The following BBS9 variants were observed in gnomAD, a reference collection of about 807,000 sequenced individuals.
BBS9 encodes protein PTHB1.
A neutral mutation model predicts 117.7 loss-of-function variants in BBS9; 89 were observed. The ratio of observed to expected loss-of-function variants is 0.76; its 90% CI spans 0.64 to 0.90. BBS9 has a LOEUF of 0.90. Among genes scored for constraint, BBS9 ranks in the 40% least tolerant of loss-of-function variants. BBS9 has a pLI of 0.00. For missense variants in BBS9, 982 were observed against 1,042.2 expected (o/e 0.94, Z 0.80); for synonymous variants, 379 against 370.9 (o/e 1.02, Z -0.25).
At chr7:33,635,101 C>T (rs1398239487) in intron 21 of BBS9, among the ~76,000 whole-genome samples, 1 of 152,204 alleles carries the variant, frequency 6.6e-6, no homozygotes, top group East Asian at 1.9e-4. Context: ...GTGTGAGGGA[C>T]ATGGCATGGA....
At chr7:33,394,909 G>T (rs1584640721) in intron 19 of BBS9, among the ~76,000 whole-genome samples, 1 of 152,200 alleles carries the variant, frequency 6.6e-6, no homozygotes, top group East Asian at 1.9e-4. Flanking sequence ...CTGAGACTCT[G>T]AGTAGAGTTA....
intron 21 of BBS9, among the ~76,000 whole-genome samples, chr7:33,539,734 A>G (rs1758819035): frequency 6.6e-6 from 1 of 152,190 alleles, no homozygotes; most frequent in South Asian, 2.1e-4. Flanking sequence ...TTTATTGTCA[A>G]CTGAACTGAC....
At chr7:33,363,419 A>G (rs376459035) in intron 16 of BBS9, among the ~76,000 whole-genome samples, 7 of 152,304 alleles carry the variant, frequency 4.6e-5, no homozygotes, top group African/African-American at 4.8e-5. Flanking sequence ...TGATTTTCTT[A>G]TATCAATCTT....
intron 21 of BBS9, among the ~76,000 whole-genome samples, chr7:33,586,545 G>A (rs950796356): frequency 1.3e-5 from 2 of 152,028 alleles, no homozygotes; most frequent in African/African-American, 4.8e-5. Flanking sequence ...CCATTACTGG[G>A]TATATATCCA....
chr7:33,466,548 C>A lies in BBS9; in HGVS notation c.2116-38915C>A, dbSNP rs537450400. Among the ~76,000 whole-genome samples the A allele has an allele frequency of 2.6e-5, 4 of 151,950 alleles. No homozygotes were observed. The East Asian group carries it at 7.7e-4, about 29-fold the overall frequency. ...TATATATGTGTGTGTGTTTACATAC[C>A]ATTTATTCTTTATTCATTCATCTGT... On this transcript the variant is annotated intron_variant, in intron 19 of 22. Coordinates refer to ENST00000242067, the MANE Select transcript of BBS9 (RefSeq NM_198428.3).
intron 19 of BBS9, among the ~76,000 whole-genome samples, chr7:33,470,689 A>G (rs1840890924): frequency 6.6e-6 from 1 of 152,212 alleles, no homozygotes; most frequent in South Asian, 2.1e-4. Context: ...ACCGTGGGTT[A>G]TAATATACTA....
intron 5 of BBS9, among the ~76,000 whole-genome samples, chr7:33,183,631 C>T (rs181179685): frequency 5.8e-4 from 88 of 152,284 alleles, no homozygotes; most frequent in Admixed American, 2.3e-3. Context: ...CCAGAAAGAG[C>T]CTAGAGCAGT....
intron 5 of BBS9, among the ~76,000 whole-genome samples, chr7:33,223,294 C>T (rs553136946): frequency 6.6e-6 from 1 of 151,344 alleles, no homozygotes; most frequent in Non-Finnish European, 1.5e-5. Context: ...ATCCTTATCA[C>T]TCTTTAGTGA....
intron 21 of BBS9, among the ~76,000 whole-genome samples, chr7:33,600,352 C>A (rs1156481069): frequency 6.6e-6 from 1 of 150,860 alleles, no homozygotes; most frequent in African/African-American, 2.4e-5. Context: ...TTTCTGTTGC[C>A]TTTTACAAAA....
intron 9 of BBS9, among the ~76,000 whole-genome samples, chr7:33,288,911 TC>T (rs1365798776): frequency 2.0e-5 from 3 of 152,152 alleles, no homozygotes; most frequent in Non-Finnish European, 2.9e-5. Context: ...CATAGAGAGA[TC>T]AAATAACATG....
At chr7:33,628,348 A>T (rs572753936) in intron 21 of BBS9, among the ~76,000 whole-genome samples, 35 of 152,330 alleles carry the variant, frequency 2.3e-4, no homozygotes, top group African/African-American at 7.9e-4. Flanking sequence ...AGGATAACAC[A>T]TCATAACCAG....
At chr7:33,462,588 A>G (rs1839623279) in intron 19 of BBS9, among the ~76,000 whole-genome samples, 1 of 152,124 alleles carries the variant, frequency 6.6e-6, no homozygotes, top group Non-Finnish European at 1.5e-5. Flanking sequence ...TTCCTAATGT[A>G]TGTAGTTCAC....
At chr7:33,421,447 A>G (rs1832846352) in intron 19 of BBS9, among the ~76,000 whole-genome samples, 1 of 152,300 alleles carries the variant, frequency 6.6e-6, no homozygotes, top group East Asian at 1.9e-4. Flanking sequence ...AACTATATCC[A>G]TTTTGTTAGT....
intron 21 of BBS9, among the ~76,000 whole-genome samples, chr7:33,546,680 A>T (rs575747089): frequency 2.6e-4 from 40 of 152,300 alleles, no homozygotes; most frequent in Middle Eastern, 3.4e-3. Context: ...CTATGCTTTT[A>T]AAGAGTTCCC....
chr7:33,504,544 A>G (rs1157779556), intron 19 of BBS9, among the ~76,000 whole-genome samples: 1 of 152,086 alleles, frequency 6.6e-6, no homozygotes, highest in African/African-American at 2.4e-5. Flanking sequence ...CCAGTCCCCC[A>G]GCTGGTGGGG....
rs117605456 is a variant in BBS9, at chr7:33,619,933, C to T, written c.2522-15244C>T. On this transcript the variant is annotated intron_variant, in intron 21 of 21. Transcript: ENST00000671952. ...TTTAAATAAATAACCTAGTGTTACACCTCAAAGAACTAGAAAAGGAAGAAC... is the reference window on the plus strand; with the variant it reads ...TTTAAATAAATAACCTAGTGTTACATCTCAAAGAACTAGAAAAGGAAGAAC... Among the ~76,000 whole-genome samples, 754 of 152,046 alleles carry T rather than the reference C, an allele frequency of 5.0e-3. 8 individuals are homozygous for T. In the East Asian group the frequency reaches 0.071, roughly 14 times the overall value.
intron 19 of BBS9, among the ~76,000 whole-genome samples, chr7:33,446,043 A>G (rs930243816): frequency 1.4e-4 from 21 of 152,230 alleles, no homozygotes; most frequent in Non-Finnish European, 2.8e-4. Context: ...CAGAAAATGT[A>G]TAATTGTATT....
intron 21 of BBS9, among the ~76,000 whole-genome samples, chr7:33,602,085 AAGGG>A (rs1863878655): frequency 6.6e-6 from 1 of 152,136 alleles, no homozygotes. Context: ...AAACTCAGGG[AAGGG>A]AGGGTGAGGA....
chr7:33,615,647 T>C (rs1865093229), intron 21 of BBS9, among the ~76,000 whole-genome samples: 2 of 152,002 alleles, frequency 1.3e-5, no homozygotes, highest in Non-Finnish European at 2.9e-5. Context: ...AAGAAACAAA[T>C]ATTTGAAGCA....
Sources: allele counts gnomAD v4.1 joint callset (sites outside exome capture counted in the v4.1 genomes callset), GRCh38; gene constraint gnomAD v4.1.1; transcripts MANE v1.5; gene names NCBI Gene and HGNC (gene_info 2026-07-23, HGNC 2026-07-21).